Variants in SLC24A3 observed in about 807,000 individuals in gnomAD.
SLC24A3 encodes the protein sodium/potassium/calcium exchanger 3.
SLC24A3 carries 28 observed loss-of-function variants against 75.8 expected under a neutral mutation model. That is an observed-to-expected ratio of 0.37 (90% CI 0.27 to 0.51). The LOEUF is 0.51. Among genes scored for constraint, SLC24A3 ranks in the 20% least tolerant of loss-of-function variants. The probability of loss-of-function intolerance (pLI) is 0.94; values close to 1 mark genes in which losing one functional copy is unlikely to be tolerated. For synonymous variants in SLC24A3, 372 were observed against 334.1 expected (o/e 1.11, Z -1.24); for missense variants, 663 against 847.8 (o/e 0.78, Z 2.71).
At chr20:19,486,215 A>G (rs1251777069) in intron 2 of SLC24A3, among the ~76,000 whole-genome samples, 1 of 152,190 alleles carries the variant, frequency 6.6e-6, no homozygotes, top group East Asian at 1.9e-4. Flanking sequence ...AACAGAATTT[A>G]TAAAGACTAG....
intron 2 of SLC24A3, among the ~76,000 whole-genome samples, chr20:19,393,005 G>A (rs1392848707): frequency 6.6e-6 from 1 of 152,038 alleles, no homozygotes; most frequent in Non-Finnish European, 1.5e-5. Context: ...TCTTATCTCT[G>A]ATCACACCTG....
At chr20:19,476,507 CT>C (rs1352373473) in intron 2 of SLC24A3, among the ~76,000 whole-genome samples, 9 of 152,324 alleles carry the variant, frequency 5.9e-5, no homozygotes, top group South Asian at 4.1e-4. Context: ...ATTTGCTAAG[CT>C]GGCTTTCATT....
intron 6 of SLC24A3, among the ~76,000 whole-genome samples, chr20:19,587,526 C>T (rs1258644319): frequency 6.6e-6 from 1 of 152,208 alleles, no homozygotes; most frequent in African/African-American, 2.4e-5. Flanking sequence ...CGCGATGACT[C>T]TGGATGCCAA....
At chr20:19,461,110 G>A (rs1987663555) in intron 2 of SLC24A3, among the ~76,000 whole-genome samples, 2 of 152,250 alleles carry the variant, frequency 1.3e-5, no homozygotes, top group South Asian at 2.1e-4. Flanking sequence ...TCTGGAGAAA[G>A]CCCCTGATCA....
intron 6 of SLC24A3, among the ~76,000 whole-genome samples, chr20:19,625,653 C>G (rs953004144): frequency 6.6e-6 from 1 of 152,190 alleles, no homozygotes; most frequent in Non-Finnish European, 1.5e-5. Flanking sequence ...CTAATAACAG[C>G]TGTCAATAAC....
chr20:19,307,309 G>T (rs1344963383), intron 2 of SLC24A3, among the ~76,000 whole-genome samples: 2 of 152,066 alleles, frequency 1.3e-5, no homozygotes, highest in African/African-American at 2.4e-5. Flanking sequence ...TGAATCCTTG[G>T]ATTTTGTATA....
At chr20:19,340,815 T>C (rs1345846343) in intron 2 of SLC24A3, among the ~76,000 whole-genome samples, 2 of 152,190 alleles carry the variant, frequency 1.3e-5, no homozygotes, top group Non-Finnish European at 2.9e-5. Context: ...AAAGTACAGT[T>C]GTATGATGTG....
At chr20:19,500,020 C>T (rs1002461877) in intron 2 of SLC24A3, among the ~76,000 whole-genome samples, 13 of 152,202 alleles carry the variant, frequency 8.5e-5, no homozygotes, top group African/African-American at 2.6e-4. Context: ...AGCTGAAGAA[C>T]GACATGGTGG....
chr20:19,359,314 G>T (rs548233230), intron 2 of SLC24A3, among the ~76,000 whole-genome samples: 9 of 152,222 alleles, frequency 5.9e-5, no homozygotes, highest in African/African-American at 1.4e-4. Context: ...GTTCCTAAAA[G>T]AATCCTTAAT....
At chr20:19,223,543 T>C (rs73124808) in intron 1 of SLC24A3, among the ~76,000 whole-genome samples, 3,999 of 152,224 alleles carry the variant, frequency 0.026, 83 homozygotes, top group Non-Finnish European at 0.037. Context: ...ATACACTGTG[T>C]TTTTTCCTAT....
intron 2 of SLC24A3, among the ~76,000 whole-genome samples, chr20:19,477,317 C>A (rs924020255): frequency 1.3e-5 from 2 of 152,170 alleles, no homozygotes; most frequent in African/African-American, 4.8e-5. Flanking sequence ...ATTCCAGATC[C>A]TCTGTTCTGA....
intron 6 of SLC24A3, among the ~76,000 whole-genome samples, chr20:19,632,807 G>A (rs955610929): frequency 8.5e-5 from 13 of 152,110 alleles, no homozygotes; most frequent in Non-Finnish European, 1.6e-4. Flanking sequence ...TAGGCACCCC[G>A]TCCTAGAAAG....
At chr20:19,469,173 C>T (rs912334874) in intron 2 of SLC24A3, among the ~76,000 whole-genome samples, 3 of 151,974 alleles carry the variant, frequency 2.0e-5, no homozygotes, top group African/African-American at 7.3e-5. Flanking sequence ...GACGGATGAG[C>T]AGAGACCAAG....
At chr20:19,333,810 A>G (rs1236088630) in intron 2 of SLC24A3, among the ~76,000 whole-genome samples, 1 of 152,152 alleles carries the variant, frequency 6.6e-6, no homozygotes, top group Non-Finnish European at 1.5e-5. Flanking sequence ...CCTCAGTGCC[A>G]GTAAATTGTC....
At chr20:19,610,246 C>T (rs1199030048) in intron 6 of SLC24A3, among the ~76,000 whole-genome samples, 1 of 151,716 alleles carries the variant, frequency 6.6e-6, no homozygotes, top group African/African-American at 2.4e-5. Flanking sequence ...TGTTTTGTAC[C>T]AAATTGTTGT....
chr20:19,471,898 C>A (rs148491088), intron 2 of SLC24A3, among the ~76,000 whole-genome samples: 211 of 152,182 alleles, frequency 1.4e-3, no homozygotes, highest in African/African-American at 4.8e-3. Flanking sequence ...ATTTGAAAAT[C>A]GAAAATATGA....
At chr20:19,522,569 G>T (rs591340) in intron 3 of SLC24A3, among the ~76,000 whole-genome samples, 22,785 of 152,194 alleles carry the variant, frequency 0.15, 2,015 homozygotes, top group East Asian at 0.31. Context: ...TAAGGTTTTT[G>T]ATCTTCACCG....
At chr20:19,536,947 A>G (rs1189550517) in intron 3 of SLC24A3, among the ~76,000 whole-genome samples, 26 of 152,246 alleles carry the variant, frequency 1.7e-4, no homozygotes, top group Admixed American at 1.6e-3. Flanking sequence ...AGGCAATACC[A>G]TTCAGGACAC....
chr20:19,297,237 A>G (rs1984083762), intron 2 of SLC24A3, among the ~76,000 whole-genome samples: 1 of 152,208 alleles, frequency 6.6e-6, no homozygotes, highest in East Asian at 1.9e-4. Context: ...TAGATCATGT[A>G]TATCATTAGC....
Sources: gnomAD v4.1 joint callset for allele counts (sites outside exome capture counted in the v4.1 genomes callset) on GRCh38, gnomAD v4.1.1 for gene constraint, MANE v1.5 for transcripts, NCBI Gene and HGNC (gene_info 2026-07-23, HGNC 2026-07-21) for gene names.